Variants in NRG3 observed in about 807,000 individuals in gnomAD.
The protein encoded by NRG3 is pro-neuregulin-3, membrane-bound isoform.
In NRG3, 31 loss-of-function variants were observed where a neutral mutation model predicts 66.9. The ratio of observed to expected loss-of-function variants is 0.46; its 90% CI spans 0.35 to 0.63. The LOEUF (loss-of-function observed/expected upper bound fraction) is 0.63, where lower values mean the gene tolerates loss of function less well. NRG3 is among the 20% of genes least tolerant of loss of function. The probability of loss-of-function intolerance (pLI) is 0.00; values close to 1 mark genes in which losing one functional copy is unlikely to be tolerated. For missense variants in NRG3, 910 were observed against 878.9 expected (o/e 1.04, Z -0.45); for synonymous variants, 393 against 359.4 (o/e 1.09, Z -1.06).
intron 7 of NRG3, among the ~76,000 whole-genome samples, chr10:82,978,746 T>C (rs924744524): frequency 1.3e-5 from 2 of 152,202 alleles, no homozygotes; most frequent in Non-Finnish European, 1.5e-5. Flanking sequence ...TCCCTTTTTC[T>C]CAGTGTCTCC....
At chr10:81,965,779 G>A (rs1183517244) in intron 1 of NRG3, among the ~76,000 whole-genome samples, 4 of 152,138 alleles carry the variant, frequency 2.6e-5, no homozygotes, top group African/African-American at 7.2e-5. Context: ...TTGTTGGTGT[G>A]TGTCCTAAGA....
At chr10:82,430,568 A>G (rs74508664) in intron 2 of NRG3, among the ~76,000 whole-genome samples, 5,998 of 152,134 alleles carry the variant, frequency 0.039, 125 homozygotes, top group South Asian at 0.048. Context: ...TTGACTACCA[A>G]TTTTTAACTG....
chr10:82,430,848 T>C (rs1185549579), intron 2 of NRG3, among the ~76,000 whole-genome samples: 1 of 152,198 alleles, frequency 6.6e-6, no homozygotes, highest in Non-Finnish European at 1.5e-5. Flanking sequence ...GGCTCTCTAC[T>C]TGTGCTGGGG....
chr10:82,610,822 T>C (rs1003120458), intron 2 of NRG3, among the ~76,000 whole-genome samples: 1 of 152,202 alleles, frequency 6.6e-6, no homozygotes, highest in Non-Finnish European at 1.5e-5. Flanking sequence ...AGGAAAAGAT[T>C]GAGAAGCTTT....
At chr10:82,175,623 C>T (rs556321231) in intron 1 of NRG3, among the ~76,000 whole-genome samples, 1 of 152,328 alleles carries the variant, frequency 6.6e-6, no homozygotes, top group Admixed American at 6.5e-5. Flanking sequence ...ATTTCCATAA[C>T]ATGTTCTACA....
intron 2 of NRG3, among the ~76,000 whole-genome samples, chr10:82,461,328 C>CCACCACCAT (rs1239714950): frequency 6.6e-6 from 1 of 151,802 alleles, no homozygotes; most frequent in East Asian, 1.9e-4. Context: ...ATCACCACCA[C>CCACCACCAT]CACCACCATC....
chr10:82,229,216 CA>C (rs757572020), intron 1 of NRG3: 2 of 151,916 alleles, frequency 1.3e-5, no homozygotes, highest in Non-Finnish European at 2.9e-5. Flanking sequence ...GCATAAATAC[CA>C]AGGTATTAAA....
At chr10:81,892,647 T>TAGA (rs1402101354) in intron 1 of NRG3, among the ~76,000 whole-genome samples, 2 of 152,072 alleles carry the variant, frequency 1.3e-5, no homozygotes, top group African/African-American at 4.8e-5. Context: ...AGAGAGTAGA[T>TAGA]GAATGGTTGC....
intron 2 of NRG3, among the ~76,000 whole-genome samples, chr10:82,417,083 C>A (rs2088635871): frequency 6.6e-6 from 1 of 152,160 alleles, no homozygotes; most frequent in Non-Finnish European, 1.5e-5. Flanking sequence ...ATTCAGTCCC[C>A]AAGGTCACTC....
intron 6 of NRG3, among the ~76,000 whole-genome samples, chr10:82,973,207 A>C (rs1050804259): frequency 1.8e-4 from 28 of 152,174 alleles, no homozygotes; most frequent in African/African-American, 6.5e-4. Flanking sequence ...TATATCTTAT[A>C]AGCTATTATA....
intron 1 of NRG3, among the ~76,000 whole-genome samples, chr10:82,078,495 C>T (rs2065214884): frequency 6.6e-6 from 1 of 152,080 alleles, no homozygotes; most frequent in African/African-American, 2.4e-5. Flanking sequence ...GGACTACAGG[C>T]ACCCGCCACC....
intron 2 of NRG3, among the ~76,000 whole-genome samples, chr10:82,589,155 T>A (rs891744834): frequency 2.0e-5 from 3 of 152,086 alleles, no homozygotes; most frequent in Non-Finnish European, 4.4e-5. Flanking sequence ...CTTGGAAAAT[T>A]GCCGCTGTTC....
At chr10:82,034,064 A>T (rs78572240) in intron 1 of NRG3, among the ~76,000 whole-genome samples, 3,175 of 152,244 alleles carry the variant, frequency 0.021, 57 homozygotes, top group Non-Finnish European at 0.029. Context: ...TTCTGGCATT[A>T]TGGCAAAAGC....
intron 4 of NRG3, among the ~76,000 whole-genome samples, chr10:82,937,180 A>G (rs1375020697): frequency 1.3e-5 from 2 of 152,304 alleles, no homozygotes; most frequent in Admixed American, 6.5e-5. Flanking sequence ...AGTTTTTACA[A>G]TGGGTTCTAT....
intron 1 of NRG3, among the ~76,000 whole-genome samples, chr10:82,235,674 T>C (rs1223235680): frequency 1.3e-5 from 2 of 152,174 alleles, no homozygotes; most frequent in Admixed American, 6.5e-5. Context: ...TGACCTTGTA[T>C]GTGAATCATA....
chr10:82,827,485 A>C (rs2062292658), intron 3 of NRG3, among the ~76,000 whole-genome samples: 1 of 152,156 alleles, frequency 6.6e-6, no homozygotes, highest in Non-Finnish European at 1.5e-5. Context: ...ATTCAGAGGA[A>C]TAGCCCCAGG....
intron 1 of NRG3, among the ~76,000 whole-genome samples, chr10:82,311,542 G>A (rs1285625788): frequency 3.3e-5 from 5 of 152,090 alleles, no homozygotes; most frequent in East Asian, 1.9e-4. Context: ...ATAAAAAACC[G>A]AATAGCAACA....
chr10:82,238,405 T>G (rs2133967943), intron 1 of NRG3, among the ~76,000 whole-genome samples: 1 of 152,300 alleles, frequency 6.6e-6, no homozygotes, highest in Non-Finnish European at 1.5e-5. Flanking sequence ...GTGACAACTA[T>G]TATCTCAATT....
intron 2 of NRG3, among the ~76,000 whole-genome samples, chr10:82,679,259 A>T (rs2134106926): frequency 6.6e-6 from 1 of 152,262 alleles, no homozygotes; most frequent in Admixed American, 6.5e-5. Context: ...TCTATTATAA[A>T]ACTAGCATAT....
Sources: allele counts gnomAD v4.1 joint callset (sites outside exome capture counted in the v4.1 genomes callset), GRCh38; gene constraint gnomAD v4.1.1; transcripts MANE v1.5; gene names NCBI Gene and HGNC (gene_info 2026-07-23, HGNC 2026-07-21).